ZNF365: variants seen among roughly 807,000 people sequenced by gnomAD.
ZNF365 encodes the protein protein ZNF365.
In ZNF365, 22 loss-of-function variants were observed where a neutral mutation model predicts 35.0. The observed-to-expected ratio is 0.63, with a 90% confidence interval of 0.45 to 0.90. The LOEUF (loss-of-function observed/expected upper bound fraction) is 0.90, where lower values mean the gene tolerates loss of function less well. Among genes scored for constraint, ZNF365 ranks in the 40% least tolerant of loss-of-function variants. The pLI, the probability that ZNF365 is intolerant of heterozygous loss-of-function variation, is 0.00. For synonymous variants in ZNF365, 188 were observed against 196.2 expected, an observed-to-expected ratio of 0.96 and a Z score of 0.35; for missense variants, 448 against 500.3, an observed-to-expected ratio of 0.90 and a Z score of 1.00.
intron 3 of ZNF365, among the ~76,000 whole-genome samples, chr10:62,409,590 T>A (rs918386445): frequency 3.9e-5 from 6 of 152,130 alleles, no homozygotes; most frequent in Admixed American, 3.9e-4. Flanking sequence ...AAAGGGTTTT[T>A]TTGTATTCTT....
intron 2 of ZNF365, among the ~76,000 whole-genome samples, chr10:62,383,668 A>G (rs1009006612): frequency 2.6e-5 from 4 of 152,242 alleles, no homozygotes; most frequent in Non-Finnish European, 5.9e-5. Context: ...GCATATTTCC[A>G]TTACTCTCTG....
chr10:62,445,311 A>C (rs919694219), intron 3 of ZNF365, among the ~76,000 whole-genome samples: 3 of 151,310 alleles, frequency 2.0e-5, no homozygotes, highest in East Asian at 1.9e-4. Context: ...TGGCTGGGTC[A>C]AATGGTATTT....
chr10:62,408,081 G>A (rs1391632088), intron 3 of ZNF365, among the ~76,000 whole-genome samples: 1 of 152,092 alleles, frequency 6.6e-6, no homozygotes, highest in African/African-American at 2.4e-5. Flanking sequence ...GCAGTTGAAA[G>A]GGCACTGATC....
At chr10:62,460,741 CAA>C (rs894417459) in intron 4 of ZNF365, among the ~76,000 whole-genome samples, 3 of 152,064 alleles carry the variant, frequency 2.0e-5, no homozygotes, top group African/African-American at 7.2e-5. Flanking sequence ...TATCAGAAGA[CAA>C]GAGTTGAAAC....
Position 62,402,354 on chromosome 10 carries a change from C to T in ZNF365, c.*2565C>T. 1 of 985,440 alleles carries T rather than the reference C, an allele frequency of 1.0e-6. No homozygotes were observed. Among genetic ancestry groups the T allele is most frequent in the Non-Finnish European group, 1.2e-6 (1 of 829,894 alleles). 61.0% of individuals were successfully genotyped at this position (985,440 alleles called of 1,614,324 possible). ...CATTGTTTTCCAGTATTCTGCAGGG[C>T]CAGTCAGTTGTACAGAAGTTGGAAT... On this transcript the variant is annotated 3_prime_UTR_variant, in exon 5 of 5. Coordinates refer to ENST00000395254, the MANE Select transcript of ZNF365 (RefSeq NM_014951.3).
chr10:62,431,318 A>G (rs1257691373), intron 3 of ZNF365, among the ~76,000 whole-genome samples: 2 of 152,222 alleles, frequency 1.3e-5, no homozygotes, highest in East Asian at 1.9e-4. Flanking sequence ...TTGTCTATGC[A>G]GAAACAAAGT....
At chr10:62,427,796 G>T (rs964932564) in intron 3 of ZNF365, among the ~76,000 whole-genome samples, 9 of 152,238 alleles carry the variant, frequency 5.9e-5, no homozygotes, top group African/African-American at 2.2e-4. Flanking sequence ...GCTTGTAGGT[G>T]CTAGAAGGCG....
chr10:62,454,391 T>G (rs959412361), intron 3 of ZNF365, among the ~76,000 whole-genome samples: 4 of 152,200 alleles, frequency 2.6e-5, no homozygotes, highest in Admixed American at 2.6e-4. Flanking sequence ...TCCCAATATA[T>G]TCTAAAATTT....
intron 4 of ZNF365, among the ~76,000 whole-genome samples, chr10:62,467,812 T>C (rs1840968919): frequency 6.6e-6 from 1 of 152,158 alleles, no homozygotes; most frequent in South Asian, 2.1e-4. Flanking sequence ...GGAAAGTTCC[T>C]GAATGATCAA....
chr10:62,444,925 C>A (rs912425623), intron 3 of ZNF365, among the ~76,000 whole-genome samples: 6 of 152,032 alleles, frequency 3.9e-5, no homozygotes, highest in Non-Finnish European at 8.8e-5. Flanking sequence ...TCCCTCCCCC[C>A]TCTCCCCACC....
At chr10:62,430,240 G>C (rs540666619) in intron 3 of ZNF365, among the ~76,000 whole-genome samples, 1 of 141,080 alleles carries the variant, frequency 7.1e-6, no homozygotes, top group Non-Finnish European at 1.5e-5. Context: ...ACCTAAAATT[G>C]CTTTTGGAAA....
intron 3 of ZNF365, among the ~76,000 whole-genome samples, chr10:62,414,049 C>A (rs1255206903): frequency 6.6e-6 from 1 of 152,084 alleles, no homozygotes; most frequent in Non-Finnish European, 1.5e-5. Context: ...TGTTTCTCAG[C>A]CAATAAATTA....
chr10:62,377,083 C>T (rs1203334094), intron 2 of ZNF365, 147 bp downstream of exon 2: 2 of 1,127,818 alleles, frequency 1.8e-6, no homozygotes, highest in African/African-American at 1.6e-5. Context: ...CCAGGAGGAA[C>T]AAGGCTTTGA....
rs193050187 is a variant in ZNF365, at chr10:62,396,903, T to G, written c.925-1837T>G. On this transcript the variant is annotated intron_variant, in intron 3 of 4. Coordinates refer to ENST00000395254, the MANE Select transcript of ZNF365 (RefSeq NM_014951.3). The stretch of plus-strand genomic sequence containing the variant: ...TATGCTCTAATAATTAAAAAAACAA[T>G]AAGGAGAAAAGATTTAAAGGAAGAA... Among the ~76,000 whole-genome samples, 8 of 152,138 alleles carry G rather than the reference T, an allele frequency of 5.3e-5. No homozygotes were observed. In the East Asian group the frequency reaches 1.5e-3, roughly 29 times the overall value.
rs115299847 is a variant in ZNF365, at chr10:62,397,446, G to A, written c.925-1294G>A. ...GCCTTTTCTCCATATTTTATTTGTC[G>A]TTTCTCTTCTTCTGTTGGTCTGCCT... is the stretch of plus-strand genomic sequence containing the variant. On this transcript the variant is annotated intron_variant, in intron 3 of 4. Coordinates refer to ENST00000395254, the MANE Select transcript of ZNF365 (RefSeq NM_014951.3). Among the ~76,000 whole-genome samples, 895 of 152,204 alleles carry A rather than the reference G, an allele frequency of 5.9e-3. 10 individuals carry two copies. The highest frequency in any genetic ancestry group is 0.02 in the African/African-American group (846 of 41,498).
At chr10:62,475,112 T>C (rs1413021560) in intron 4 of ZNF365, among the ~76,000 whole-genome samples, 1 of 152,226 alleles carries the variant, frequency 6.6e-6, no homozygotes, top group Non-Finnish European at 1.5e-5. Context: ...AGACATGGCC[T>C]TTCTTCAGGC....
chr10:62,429,898 G>T (rs1840308197), intron 3 of ZNF365, among the ~76,000 whole-genome samples: 1 of 152,044 alleles, frequency 6.6e-6, no homozygotes, highest in Non-Finnish European at 1.5e-5. Flanking sequence ...AACTTATTCA[G>T]GTTCAATCCT....
chr10:62,428,017 T>C (rs891826997), intron 3 of ZNF365, among the ~76,000 whole-genome samples: 2 of 152,230 alleles, frequency 1.3e-5, no homozygotes, highest in African/African-American at 4.8e-5. Flanking sequence ...AGGAACTTTG[T>C]AGCCTCAACC....
At chr10:62,473,229 C>T (rs1841073257) in intron 4 of ZNF365, among the ~76,000 whole-genome samples, 1 of 152,182 alleles carries the variant, frequency 6.6e-6, no homozygotes, top group South Asian at 2.1e-4. Flanking sequence ...GTTATTTAGT[C>T]ATTTACACCT....
Sources: allele counts gnomAD v4.1 joint callset (sites outside exome capture counted in the v4.1 genomes callset), GRCh38; gene constraint gnomAD v4.1.1; transcripts MANE v1.5; gene names NCBI Gene and HGNC (gene_info 2026-07-23, HGNC 2026-07-21).